ADGRG3: variants seen among roughly 807,000 people sequenced by gnomAD.
ADGRG3 encodes adhesion G protein-coupled receptor G3.
In ADGRG3, 39 loss-of-function variants were observed where a neutral mutation model predicts 54.3. The ratio of observed to expected loss-of-function variants is 0.72; its 90% CI spans 0.56 to 0.94. The LOEUF is 0.94. Ranked by LOEUF, ADGRG3 falls within the 40% of genes least tolerant of loss-of-function variation. The pLI is 0.00. For missense variants in ADGRG3, 654 were observed against 694.6 expected, an observed-to-expected ratio of 0.94 and a Z score of 0.66; for synonymous variants, 312 against 290.0, an observed-to-expected ratio of 1.08 and a Z score of -0.77.
In ADGRG3 at chr16:57,676,331, CCT is replaced by C; in HGVS notation, c.342_343del (p.Gln115GlyfsTer14). On this transcript the variant is annotated frameshift_variant, in exon 3 of 12. Coordinates refer to ENST00000333493, the MANE Select transcript of ADGRG3 (RefSeq NM_170776.5). LOFTEE classifies it high-confidence loss of function. ...GAAGACTTCTATTTCTCTCTGGAGCCCTCTCAGGTGAAGAGCTCCCCAGCCCT... is the reference window on the plus strand; with the variant it reads ...GAAGACTTCTATTTCTCTCTGGAGCCCTCAGGTGAAGAGCTCCCCAGCCCT... The C allele has an allele frequency of 6.2e-7, 1 of 1,614,018 alleles. No homozygotes were observed. The highest frequency in any genetic ancestry group is 8.5e-7 in the Non-Finnish European group (1 of 1,179,886).
Position 57,680,498 on chromosome 16 carries a change from C to A in ADGRG3, c.769-7C>A. On this transcript the variant is annotated splice_polypyrimidine_tract_variant and splice_region_variant and intron_variant, in intron 7 of 11. Coordinates refer to ENST00000333493, the MANE Select transcript of ADGRG3 (RefSeq NM_170776.5). ...TGACGTGGTCCCGGTTCTGGGGTCA[C>A]CCACAGAGACCCACCTTGGACCAGT... The A allele has an allele frequency of 6.2e-7, 1 of 1,610,548 alleles. No homozygotes were observed. Among genetic ancestry groups the A allele is most frequent in the Non-Finnish European group, 8.5e-7 (1 of 1,176,866 alleles).
intron 1 of ADGRG3, among the ~76,000 whole-genome samples, chr16:57,670,729 T>C (rs775696110): frequency 9.2e-5 from 14 of 152,222 alleles, no homozygotes; most frequent in Non-Finnish European, 1.9e-4. Flanking sequence ...TTATCACATA[T>C]AGAGTCCATT....
intron 8 of ADGRG3, chr16:57,682,374 G>A (rs902005374): frequency 1.9e-6 from 1 of 530,542 alleles, no homozygotes; most frequent in Non-Finnish European, 2.4e-6. Context: ...CCCTCTCCAC[G>A]TGCCTCTGTG....
At position 57,668,388 on chromosome 16, in the gene ADGRG3, T is replaced by TCCTGCTCCC. The variant is rs1290428978; in HGVS notation, c.42_50dup (p.Leu15_Pro17dup). 4 of 1,574,966 alleles carry TCCTGCTCCC rather than the reference T, an allele frequency of 2.5e-6. No homozygotes were observed. Among genetic ancestry groups the TCCTGCTCCC allele is most frequent in the Non-Finnish European group, 3.4e-6 (4 of 1,168,040 alleles). ...GGCCTGGGGGCCCTGCTCCTGCTCC[T>TCCTGCTCCC]CCTGCTCCCGACCTCAGGTGAGTGG... On this transcript the variant is annotated inframe_insertion, in exon 1 of 12. Transcript: ENST00000333493.
upstream of ADGRG3, among the ~76,000 whole-genome samples, chr16:57,668,021 C>A (rs543988772): frequency 6.6e-6 from 1 of 152,222 alleles, no homozygotes; most frequent in Non-Finnish European, 1.5e-5. Context: ...CCCAGGGATC[C>A]GCTCTGAGCC....
At chr16:57,682,623 C>CA in intron 8 of ADGRG3, 2 of 985,434 alleles carry the variant, frequency 2.0e-6, no homozygotes, top group Non-Finnish European at 2.4e-6. Context: ...CCTGGCATCT[C>CA]AGGTGAGGTG....
chr16:57,669,543 A>C (rs965012434), intron 1 of ADGRG3, among the ~76,000 whole-genome samples: 1 of 152,178 alleles, frequency 6.6e-6, no homozygotes, highest in Non-Finnish European at 1.5e-5. Flanking sequence ...CCTCCAGGTG[A>C]TGCTGTTTCC....
At chr16:57,679,950 C>G in intron 6 of ADGRG3, 95 bp downstream of exon 6, 1 of 974,778 alleles carries the variant, frequency 1.0e-6, no homozygotes, top group East Asian at 2.4e-5. Flanking sequence ...GAGTCCCTCC[C>G]CTGCCTTCCT....
intron 6 of ADGRG3, 48 bp downstream of exon 6, chr16:57,679,903 T>G: frequency 6.8e-7 from 1 of 1,465,818 alleles, no homozygotes; most frequent in Non-Finnish European, 9.6e-7. Context: ...AGGGAGGGTA[T>G]GGGCTGCATT....
At chr16:57,667,295 C>T (rs1413984216), upstream of ADGRG3, among the ~76,000 whole-genome samples, 4 of 152,220 alleles carry the variant, frequency 2.6e-5, no homozygotes, top group Non-Finnish European at 5.9e-5. Context: ...GAGGGGGATG[C>T]CAGCAACCAC....
chr16:57,684,224 C>T lies in ADGRG3; in HGVS notation c.1162+12C>T. 6.2e-7 allele frequency: 1 copy of T among 1,608,490 alleles called. No individual in the cohort carries two copies. Among genetic ancestry groups the T allele is most frequent in the East Asian group, 2.2e-5 (1 of 44,796 alleles). ...CCTGGTGGGCTGGGGTAGGTGCTGC[C>T]TGGATGGACAGAATAAACGGCCGGC... On this transcript the variant is annotated intron_variant, in intron 9 of 11. Coordinates refer to ENST00000333493, the MANE Select transcript of ADGRG3 (RefSeq NM_170776.5).
chr16:57,685,628 T>C lies in ADGRG3; in HGVS notation c.1257-15T>C. 6.2e-7 allele frequency: 1 copy of C among 1,612,724 alleles called. No homozygotes were observed. The highest frequency in any genetic ancestry group is 8.5e-7 in the Non-Finnish European group (1 of 1,178,850). ...GTACCACTCCCAGTCCCACCACAGC[T>C]GCCCCCTCCTCCAGATGCTGGTTCC... is the stretch of plus-strand genomic sequence containing the variant. On this transcript the variant is annotated splice_polypyrimidine_tract_variant and intron_variant, in intron 10 of 11. Transcript: ENST00000333493.
intron 4 of ADGRG3, chr16:57,678,968 C>T: frequency 3.3e-6 from 2 of 598,776 alleles, no homozygotes; most frequent in Non-Finnish European, 5.9e-6. Flanking sequence ...AGCTTTGCAG[C>T]CAGTTGACCT....
intron 8 of ADGRG3, chr16:57,682,421 C>T: frequency 1.1e-6 from 1 of 929,638 alleles, no homozygotes; most frequent in South Asian, 5.0e-5. Context: ...CCAACTAGGC[C>T]CACCCAATCC....
At chr16:57,668,483 C>T (rs2048091341) in intron 1 of ADGRG3, 78 bp downstream of exon 1, 19 of 1,326,634 alleles carry the variant, frequency 1.4e-5, no homozygotes, top group Admixed American at 1.2e-4. Flanking sequence ...CAGGGACAGA[C>T]GCAGGGACTG....
Position 57,680,637 on chromosome 16 carries a change from C to A in ADGRG3, c.881+20C>A. 6.7e-7 allele frequency: 1 copy of A among 1,495,074 alleles called. No individual in the cohort carries two copies. The highest frequency in any genetic ancestry group is 9.3e-7 in the Non-Finnish European group (1 of 1,071,890). The allele number at this position is 1,495,074 out of a possible 1,614,324, so 92.6% of individuals were successfully genotyped here. A position where few individuals can be genotyped will look rare whatever the true frequency, so the allele number is the denominator to read the frequency against. ...TCTGAGGTGAGTGATCCCCACCTCC[C>A]CACCATGTCTCCCTCCCGCCCTCAA... On this transcript the variant is annotated intron_variant, in intron 8 of 11. Coordinates refer to ENST00000333493, the MANE Select transcript of ADGRG3 (RefSeq NM_170776.5).
chr16:57,678,240 G>T lies in ADGRG3; in HGVS notation c.416G>T (p.Arg139Leu). The change falls in exon 4 of 12, where the codon CGA becomes CTA. Residue 139 changes from arginine (R) to leucine (L), a missense_variant. Transcript: ENST00000333493. Reference sequence around the variant, plus strand: ...GTGCGACTTCCCAAGAGCCTTTTTCGATCCCTGCCAGGCAACAGGTCTGTG... The same window carrying T: ...GTGCGACTTCCCAAGAGCCTTTTTCTATCCCTGCCAGGCAACAGGTCTGTG... ...DRVRLPKSLF[R>L]SLPGNRSVVR... 1 of 1,614,152 alleles carries T rather than the reference G, an allele frequency of 6.2e-7. No individual in the cohort carries two copies. The highest frequency in any genetic ancestry group is 8.5e-7 in the Non-Finnish European group (1 of 1,180,020).
At chr16:57,679,777 C>G (rs1201753453) in intron 5 of ADGRG3, 39 bp from the exon 6 acceptor site, 1 of 1,580,638 alleles carries the variant, frequency 6.3e-7, no homozygotes, top group African/African-American at 1.3e-5. Flanking sequence ...CCCCAAACTT[C>G]CCTTTTCCTC....
intron 3 of ADGRG3, among the ~76,000 whole-genome samples, chr16:57,677,380 C>T (rs1486714425): frequency 1.3e-5 from 2 of 152,280 alleles, no homozygotes; most frequent in Non-Finnish European, 1.5e-5. Context: ...GTCAGGAGTT[C>T]GAAACCAGCC....
Sources: allele counts gnomAD v4.1 joint callset (sites outside exome capture counted in the v4.1 genomes callset), GRCh38; gene constraint gnomAD v4.1.1; transcripts MANE v1.5; gene names NCBI Gene and HGNC (gene_info 2026-07-23, HGNC 2026-07-21).